RYR3: variants seen among roughly 807,000 people sequenced by gnomAD.
RYR3 encodes the protein ryanodine receptor 3.
In RYR3, 207 loss-of-function variants were observed where a neutral mutation model predicts 584.3. The observed-to-expected ratio is 0.35, with a 90% CI of 0.32 to 0.40. RYR3 has a LOEUF of 0.40. Among genes scored for constraint, RYR3 ranks in the 10% least tolerant of loss-of-function variants. RYR3 has a pLI of 1.00. For synonymous variants in RYR3, 2,416 were observed against 2,248.5 expected (o/e 1.07, Z -2.11); for missense variants, 5,616 against 6,089.2 (o/e 0.92, Z 2.59).
At chr15:33,789,736 G>A (rs1297548054) in intron 67 of RYR3, among the ~76,000 whole-genome samples, 3 of 117,080 alleles carry the variant, frequency 2.6e-5, no homozygotes, top group Non-Finnish European at 3.3e-5. Flanking sequence ...GTGCAGTGGC[G>A]CAATCTCGGC....
At chr15:33,827,920 A>G (rs888598728) in intron 85 of RYR3, among the ~76,000 whole-genome samples, 4 of 152,162 alleles carry the variant, frequency 2.6e-5, no homozygotes, top group African/African-American at 7.2e-5. Context: ...ATACAGGCAT[A>G]CCTCATTTTA....
At chr15:33,778,124 C>T (rs989423321) in intron 64 of RYR3, among the ~76,000 whole-genome samples, 7 of 151,898 alleles carry the variant, frequency 4.6e-5, no homozygotes, top group Non-Finnish European at 8.8e-5. Context: ...GAGCTGAGAT[C>T]GCACCACTGT....
chr15:33,635,658 T>C lies in RYR3; in HGVS notation c.3220T>C (p.Phe1074Leu). 1 of 1,614,002 alleles carries C rather than the reference T, an allele frequency of 6.2e-7. No homozygotes were observed. Among genetic ancestry groups the C allele is most frequent in the South Asian group, 1.1e-5 (1 of 91,054 alleles). Reference sequence around the variant, plus strand: ...GGTCAGCATAGACAAGATCCGATTTTTCCGGGTAGAGCGATCTTATGCAGT... The same window carrying C: ...GGTCAGCATAGACAAGATCCGATTTCTCCGGGTAGAGCGATCTTATGCAGT... ...EKVSIDKIRF[F>L]RVERSYAVRS... is the part of the protein sequence containing the mutation. The change falls in exon 26 of 104, where the codon TTC becomes CTC. Residue 1074 changes from phenylalanine to leucine, a missense_variant. Physicochemically the swap from Phe to Leu is conservative, Grantham distance 22 (BLOSUM62 0). This residue lies in a region of RYR3 where 1,284 missense variants were observed against 1,344.6 expected (regional missense o/e 0.95). Transcript: ENST00000634891.
At chr15:33,811,436 G>A (rs1294966496) in intron 72 of RYR3, among the ~76,000 whole-genome samples, 2 of 151,858 alleles carry the variant, frequency 1.3e-5, no homozygotes, top group Non-Finnish European at 2.9e-5. Flanking sequence ...GTGTGAACCT[G>A]GGAGACGGAG....
rs1206489297 is a variant in RYR3 at position 33,311,392 on chromosome 15, G to T, written c.51+296G>T. On this transcript the variant is annotated intron_variant, in intron 1 of 103. Coordinates refer to ENST00000634891, the MANE Select transcript of RYR3 (RefSeq NM_001036.6). The surrounding 1 kb of genome is among the most constrained non-coding windows in gnomAD (Gnocchi z 4.4). ...ACTTGCTACTTGGTCTGAAACCCTT[G>T]ATGCCCAAACTTCAGCCGGGGTTTG... 6.6e-6 allele frequency among the ~76,000 whole-genome samples: 1 copy of T among 152,224 alleles called. No individual in the cohort carries two copies. Among genetic ancestry groups the T allele is most frequent in the African/African-American group, 2.4e-5 (1 of 41,470 alleles).
chr15:33,840,007 C>T (rs2078260102), intron 89 of RYR3, among the ~76,000 whole-genome samples: 1 of 152,174 alleles, frequency 6.6e-6, no homozygotes, highest in Non-Finnish European at 1.5e-5. Flanking sequence ...AACATTTTTG[C>T]TCTCATGGAT....
chr15:33,341,830 A>C (rs1483088274), intron 1 of RYR3, among the ~76,000 whole-genome samples: 1 of 138,314 alleles, frequency 7.2e-6, no homozygotes, highest in African/African-American at 2.6e-5. Flanking sequence ...CTTTCTGTCC[A>C]AAAAGGTAGA....
At chr15:33,520,266 T>A (rs577993403) in intron 3 of RYR3, among the ~76,000 whole-genome samples, 2 of 152,320 alleles carry the variant, frequency 1.3e-5, no homozygotes, top group South Asian at 2.1e-4. Flanking sequence ...TGAGTTTTTT[T>A]ATAGAGAAAC....
intron 1 of RYR3, among the ~76,000 whole-genome samples, chr15:33,443,061 C>T (rs974328600): frequency 6.6e-6 from 1 of 152,106 alleles, no homozygotes; most frequent in African/African-American, 2.4e-5. Flanking sequence ...GAGTTGGAGA[C>T]CAGCCTGGCC....
Position 33,672,168 on chromosome 15 carries a change from C to T in RYR3, c.5860+1612C>T, listed in dbSNP as rs2063888503. On this transcript the variant is annotated intron_variant, in intron 38 of 103. Coordinates refer to ENST00000634891, the MANE Select transcript of RYR3 (RefSeq NM_001036.6). ...TGTCATGGCTGGCGGGGGGTGGGGTCCCACCAGGTGACCATTTCATGTGAG... is the reference window on the plus strand; with the variant it reads ...TGTCATGGCTGGCGGGGGGTGGGGTTCCACCAGGTGACCATTTCATGTGAG... Among the ~76,000 whole-genome samples, 3 of 152,036 alleles carry T rather than the reference C, an allele frequency of 2.0e-5. No homozygotes were observed. The South Asian group carries it at 6.2e-4, about 32-fold the overall frequency.
At chr15:33,458,253 A>G (rs886824364) in intron 1 of RYR3, among the ~76,000 whole-genome samples, 6 of 152,156 alleles carry the variant, frequency 3.9e-5, no homozygotes, top group Non-Finnish European at 7.4e-5. Context: ...ACCCTCCCCA[A>G]TGTGAGGGGG....
At chr15:33,534,396 C>G (rs968875130) in intron 5 of RYR3, among the ~76,000 whole-genome samples, 39 of 152,134 alleles carry the variant, frequency 2.6e-4, no homozygotes, top group Admixed American at 6.5e-5. Context: ...AGCGAGACTT[C>G]GTCTCGAAAG....
At chr15:33,842,729 C>A (rs1295562351) in intron 91 of RYR3, among the ~76,000 whole-genome samples, 1 of 152,190 alleles carries the variant, frequency 6.6e-6, no homozygotes, top group Admixed American at 6.5e-5. Context: ...GGAATGAGGA[C>A]TGAGGCCACA....
At chr15:33,667,101 C>A (rs116724467) in intron 36 of RYR3, among the ~76,000 whole-genome samples, 2,431 of 152,254 alleles carry the variant, frequency 0.016, 63 homozygotes, top group Admixed American at 0.059. Flanking sequence ...AATACCTCTA[C>A]CTACTTGCAA....
intron 85 of RYR3, among the ~76,000 whole-genome samples, chr15:33,829,670 G>T (rs1054304916): frequency 8.6e-5 from 13 of 151,746 alleles, no homozygotes; most frequent in Non-Finnish European, 1.6e-4. Flanking sequence ...GGAGAATGGC[G>T]TGAACCCGGG....
intron 12 of RYR3, among the ~76,000 whole-genome samples, chr15:33,570,038 T>G (rs1159412438): frequency 6.6e-6 from 1 of 151,894 alleles, no homozygotes; most frequent in Non-Finnish European, 1.5e-5. Flanking sequence ...GCTTTTCTCA[T>G]TTTTTTTAAA....
chr15:33,335,021 A>G (rs908921710), intron 1 of RYR3, among the ~76,000 whole-genome samples: 10 of 150,596 alleles, frequency 6.6e-5, no homozygotes, highest in Admixed American at 4.6e-4. Flanking sequence ...TAAAAAGCCA[A>G]AAAATAACAC....
At position 33,739,900 on chromosome 15, in the gene RYR3, A is replaced by G. The variant is rs773215169; in HGVS notation, c.7725A>G (p.Pro2575=). Residue 2575 remains proline (P), a synonymous_variant, in exon 51 of 104, where the codon CCA becomes CCG. Transcript: ENST00000634891. ...CLSAIAGALP[P]DYLDTRITAT... is the part of the protein sequence containing the mutation. Reference sequence around the variant, plus strand: ...GTGCTATAGCTGGGGCCTTGCCACCAGATTATTTAGATACCAGAATCACAG... The same window carrying G: ...GTGCTATAGCTGGGGCCTTGCCACCGGATTATTTAGATACCAGAATCACAG... 1 of 1,613,750 alleles carries G rather than the reference A, an allele frequency of 6.2e-7. No homozygotes were observed. Among genetic ancestry groups the G allele is most frequent in the Admixed American group, 1.7e-5 (1 of 59,994 alleles).
At chr15:33,857,362 G>C (rs1429704074) in intron 98 of RYR3, among the ~76,000 whole-genome samples, 3 of 151,964 alleles carry the variant, frequency 2.0e-5, no homozygotes, top group Non-Finnish European at 2.9e-5. Flanking sequence ...CTCTCTCTCT[G>C]TGTCTCCAAC....
Sources: gnomAD v4.1 joint callset for allele counts (sites outside exome capture counted in the v4.1 genomes callset) on GRCh38, gnomAD v4.1.1 for gene constraint, gnomAD v4.1.1 regional missense constraint, Gnocchi (gnomAD v3.1) non-coding constraint, MANE v1.5 for transcripts, NCBI Gene and HGNC (gene_info 2026-07-23, HGNC 2026-07-21) for gene names.